BCAR1: variants seen among roughly 807,000 people sequenced by gnomAD.
The protein encoded by BCAR1 is breast cancer anti-estrogen resistance protein 1.
A neutral mutation model predicts 67.6 loss-of-function variants in BCAR1; 30 were observed. The observed-to-expected ratio is 0.44, with a 90% CI of 0.33 to 0.60. The LOEUF (loss-of-function observed/expected upper bound fraction) is 0.60, where lower values mean the gene tolerates loss of function less well. Among genes scored for constraint, BCAR1 ranks in the 20% least tolerant of loss-of-function variants. The pLI is 0.02. For missense variants in BCAR1, 1,313 were observed against 1,222.3 expected, an observed-to-expected ratio of 1.07 and a Z score of -1.11; for synonymous variants, 626 against 556.7, an observed-to-expected ratio of 1.12 and a Z score of -1.75.
chr16:75,250,688 T>A, intron 1 of BCAR1: 1 of 985,506 alleles, frequency 1.0e-6, no homozygotes, highest in Non-Finnish European at 1.2e-6. Context: ...GCGATCAGCC[T>A]CTCGGACCCT....
intron 2 of BCAR1, chr16:75,238,623 A>G (rs1431458917): frequency 5.1e-6 from 5 of 986,230 alleles, no homozygotes; most frequent in Non-Finnish European, 6.0e-6. Flanking sequence ...AACTGGGCCC[A>G]CTAGGTCTCC....
chr16:75,229,362 T>C lies in BCAR1; in HGVS notation c.*149A>G, dbSNP rs192557216. On this transcript the variant is annotated 3_prime_UTR_variant, in exon 7 of 7. Coordinates refer to ENST00000162330, the MANE Select transcript of BCAR1 (RefSeq NM_014567.5). ...CCCACACCCTGCCCGGCCATAAATA[T>C]ATACAGATTCCTGGGCATCCAGGGC... is the stretch of plus-strand genomic sequence containing the variant. 4.5e-4 allele frequency: 563 copies of C among 1,252,010 alleles called. 1 individual carries two copies. The African/African-American group carries it at 6.0e-3, about 13-fold the overall frequency. The allele number at this position is 1,252,010 out of a possible 1,614,324, so 77.6% of individuals were successfully genotyped here. A position where few individuals can be genotyped will look rare whatever the true frequency, so the allele number is the denominator to read the frequency against.
intron 1 of BCAR1, chr16:75,263,637 C>G (rs1414181529): frequency 2.0e-6 from 2 of 985,384 alleles, no homozygotes; most frequent in Non-Finnish European, 2.4e-6. Context: ...CAATCTCTCA[C>G]CCTGCTTCCC....
intron 1 of BCAR1, among the ~76,000 whole-genome samples, chr16:75,266,547 G>A (rs1419261102): frequency 6.6e-6 from 1 of 152,176 alleles, no homozygotes; most frequent in Non-Finnish European, 1.5e-5. Context: ...CCTTTCCCCA[G>A]GCTAAACACC....
intron 6 of BCAR1, 106 bp downstream of exon 6, chr16:75,233,740 G>T: frequency 8.3e-7 from 1 of 1,202,810 alleles, no homozygotes; most frequent in Non-Finnish European, 1.2e-6. Context: ...AGCACTGTCA[G>T]ACAACATGAG....
rs900496322 is a variant in BCAR1, at chr16:75,229,348, C to T, written c.*163G>A. 10 of 1,176,410 alleles carry T rather than the reference C, an allele frequency of 8.5e-6. No homozygotes were observed. The African/African-American group carries it at 1.2e-4, about 15-fold the overall frequency. 72.9% of individuals were successfully genotyped at this position (1,176,410 alleles called of 1,614,324 possible). A position where few individuals can be genotyped will look rare whatever the true frequency, so the allele number is the denominator to read the frequency against. ...TGAGGAGGCATGGCCCCACACCCTG[C>T]CCGGCCATAAATATATACAGATTCC... On this transcript the variant is annotated 3_prime_UTR_variant, in exon 7 of 7. Coordinates refer to ENST00000162330, the MANE Select transcript of BCAR1 (RefSeq NM_014567.5).
At chr16:75,243,114 G>C (rs1421898773) in intron 1 of BCAR1, 24 bp from the exon 2 acceptor site, 1 of 1,558,132 alleles carries the variant, frequency 6.4e-7, no homozygotes, top group African/African-American at 1.4e-5. Flanking sequence ...ACACAGGTGT[G>C]AGAACAGAAG....
At chr16:75,243,188 G>A in intron 1 of BCAR1, 98 bp from the exon 2 acceptor site, 1 of 1,280,330 alleles carries the variant, frequency 7.8e-7, no homozygotes. Flanking sequence ...GCCCAGCTTT[G>A]ATACTAGGAA....
intron 1 of BCAR1, among the ~76,000 whole-genome samples, chr16:75,261,246 G>A (rs1336274474): frequency 6.6e-6 from 1 of 152,228 alleles, no homozygotes; most frequent in Admixed American, 6.5e-5. Context: ...GAGGACACAC[G>A]CAGGGCTGCA....
upstream of BCAR1, among the ~76,000 whole-genome samples, chr16:75,255,649 C>G (rs1451558357): frequency 2.0e-5 from 3 of 151,306 alleles, no homozygotes; most frequent in African/African-American, 7.3e-5. Flanking sequence ...TGAGATCACG[C>G]CACTGTACTC....
At chr16:75,251,686 G>T, upstream of BCAR1, 2 of 993,830 alleles carry the variant, frequency 2.0e-6, no homozygotes, top group East Asian at 1.1e-4. Flanking sequence ...ATGCCCGGCC[G>T]CGCGCGCCCA....
At chr16:75,234,826 C>G in intron 5 of BCAR1, 63 bp downstream of exon 5, 1 of 1,508,494 alleles carries the variant, frequency 6.6e-7, no homozygotes. Flanking sequence ...GAACAAATCT[C>G]CCCCTAAGCA....
At chr16:75,254,948 C>G (rs74971987), upstream of BCAR1, among the ~76,000 whole-genome samples, 12 of 152,346 alleles carry the variant, frequency 7.9e-5, no homozygotes, top group African/African-American at 2.9e-4. Flanking sequence ...TTTCTGAGAT[C>G]TGCCTTCAGG....
intron 1 of BCAR1, chr16:75,250,913 C>G (rs1420878263): frequency 1.0e-6 from 1 of 985,524 alleles, no homozygotes; most frequent in Non-Finnish European, 1.2e-6. Context: ...CGCTCCGCTC[C>G]CGGAACCCCG....
intron 1 of BCAR1, among the ~76,000 whole-genome samples, chr16:75,261,297 A>G (rs1019180099): frequency 6.6e-6 from 1 of 152,228 alleles, no homozygotes; most frequent in Admixed American, 6.5e-5. Context: ...GTAAGCAGAC[A>G]GAGGGAAGGT....
chr16:75,264,512 C>T (rs2077964766), intron 1 of BCAR1: 1 of 1,421,798 alleles, frequency 7.0e-7, no homozygotes, highest in South Asian at 1.5e-5. Flanking sequence ...TTCTGTCTTC[C>T]TTCTTTCTGA....
intron 1 of BCAR1, among the ~76,000 whole-genome samples, chr16:75,257,906 G>C (rs1471181504): frequency 6.6e-6 from 1 of 152,220 alleles, no homozygotes; most frequent in East Asian, 1.9e-4. Context: ...TAGAGGAAGG[G>C]AGCAGATATT....
intron 1 of BCAR1, among the ~76,000 whole-genome samples, chr16:75,244,939 G>A (rs752344780): frequency 1.3e-5 from 2 of 152,238 alleles, no homozygotes; most frequent in Non-Finnish European, 2.9e-5. Context: ...AGACAATGGA[G>A]ATAGTTTCTC....
At chr16:75,261,806 G>A (rs2077912640) in intron 1 of BCAR1, among the ~76,000 whole-genome samples, 1 of 152,238 alleles carries the variant, frequency 6.6e-6, no homozygotes, top group Middle Eastern at 3.2e-3. Context: ...AGGCCAATCA[G>A]CCTGGGTCCA....
Sources: allele counts gnomAD v4.1 joint callset (sites outside exome capture counted in the v4.1 genomes callset), GRCh38; gene constraint gnomAD v4.1.1; transcripts MANE v1.5; gene names NCBI Gene and HGNC (gene_info 2026-07-23, HGNC 2026-07-21).